The following SCARF1 variants were observed in gnomAD, a reference collection of about 807,000 sequenced individuals.
SCARF1 encodes scavenger receptor class F member 1.
Under a neutral mutation model 76.3 loss-of-function variants are expected in SCARF1, and 49 were observed. The observed-to-expected ratio is 0.64, with a 90% confidence interval of 0.51 to 0.81. The LOEUF (loss-of-function observed/expected upper bound fraction) is 0.81, where lower values mean the gene tolerates loss of function less well. Among genes scored for constraint, SCARF1 ranks in the 40% least tolerant of loss-of-function variants. SCARF1 has a pLI of 0.00. For synonymous variants in SCARF1, 495 were observed against 474.6 expected, an observed-to-expected ratio of 1.04 and a Z score of -0.56; for missense variants, 1,098 against 1,143.9, an observed-to-expected ratio of 0.96 and a Z score of 0.58.
rs764472117 is a variant in SCARF1 at position 1,634,802 on chromosome 17, C to T, written c.2449G>A (p.Glu817Lys). 5 of 1,610,930 alleles carry T rather than the reference C, an allele frequency of 3.1e-6. No individual in the cohort carries two copies. The highest frequency in any genetic ancestry group is 4.2e-6 in the Non-Finnish European group (5 of 1,178,534). ...QAEEERQEEP[E>K]YENVVPISRP... ...GAGATGGGTACAACATTCTCATACT[C>T]AGGTTCCTCCTGCCTTTCCTCTTCA... The change falls in exon 11 of 11, where the codon GAG (glutamate) becomes AAG (lysine). Residue 817 changes from glutamate to lysine, a missense_variant. By Grantham distance (56) the Glu-to-Lys change is moderately conservative (BLOSUM62 1). Transcript: ENST00000263071.
Position 1,634,753 on chromosome 17 carries a change from G to A in SCARF1, c.*5C>T. 1 of 1,576,780 alleles carries A rather than the reference G, an allele frequency of 6.3e-7. No individual in the cohort carries two copies. Among genetic ancestry groups the A allele is most frequent in the Non-Finnish European group, 8.6e-7 (1 of 1,158,058 alleles). On this transcript the variant is annotated 3_prime_UTR_variant, in exon 11 of 11. Transcript: ENST00000263071. Reference sequence around the variant, plus strand: ...CACTCTCCCCACTCCCCAAATTCAAGGTCATCAGGGTTCTGGTGGCCTGGA... The same window carrying A: ...CACTCTCCCCACTCCCCAAATTCAAAGTCATCAGGGTTCTGGTGGCCTGGA...
At position 1,640,113 on chromosome 17, in the gene SCARF1, C is replaced by T. The variant is rs772435883; in HGVS notation, c.1011-73G>A. On this transcript the variant is annotated intron_variant, in intron 5 of 10. Transcript: ENST00000263071. The surrounding 1 kb of genome is among the most constrained non-coding windows in gnomAD (Gnocchi z 4.7). ...CCCCCACTGTGGGGCCCCACCCCTC[C>T]GCCCCACGCTCCTGGACTCAAGGAC... 28 of 1,546,016 alleles carry T rather than the reference C, an allele frequency of 1.8e-5. No homozygotes were observed. Among genetic ancestry groups the T allele is most frequent in the Non-Finnish European group, 2.4e-5 (27 of 1,138,818 alleles).
chr17:1,641,785 G>A (rs144603225), intron 4 of SCARF1, among the ~76,000 whole-genome samples: 7 of 152,220 alleles, frequency 4.6e-5, no homozygotes, highest in Admixed American at 1.3e-4. Flanking sequence ...GCAGTGGCGC[G>A]ATCTTGGCTC....
chr17:1,640,292 C>G lies in SCARF1; in HGVS notation c.1010+156G>C, dbSNP rs371348831. The G allele has an allele frequency of 1.2e-6, 1 of 819,504 alleles. No individual in the cohort carries two copies. The highest frequency in any genetic ancestry group is 1.8e-5 in the South Asian group (1 of 55,410). 50.8% of individuals were successfully genotyped at this position (819,504 alleles called of 1,614,324 possible). On this transcript the variant is annotated intron_variant, in intron 5 of 10. Coordinates refer to ENST00000263071, the MANE Select transcript of SCARF1 (RefSeq NM_003693.4). This position sits in a 1 kb window ranked among gnomAD's most constrained non-coding sequence, Gnocchi z 4.7. ...AGCTGGGATCCTGCCCAGGCCCCCC[C>G]AGAACCCACTGCTCTCCCCCAGTCT...
chr17:1,635,497 G>A lies in SCARF1; in HGVS notation c.1754C>T (p.Ala585Val). The A allele has an allele frequency of 6.2e-7, 1 of 1,613,972 alleles. No homozygotes were observed. Among genetic ancestry groups the A allele is most frequent in the Non-Finnish European group, 8.5e-7 (1 of 1,179,960 alleles). ...AIPRTSSLARAKRPSVSFAEG... is the reference protein window; with the variant it reads ...AIPRTSSLARVKRPSVSFAEG... ...CGCGAAGGAGACCGATGGCCGCTTG[G>A]CCCGAGCTAGGCTGGAGGTGCGCGG... The change falls in exon 11 of 11, where the codon GCC becomes GTC. Residue 585 changes from alanine to valine, a missense_variant. Physicochemically the swap from Ala to Val is moderately conservative, Grantham distance 64. Coordinates refer to ENST00000263071, the MANE Select transcript of SCARF1 (RefSeq NM_003693.4).
In SCARF1 at chr17:1,640,366, G is replaced by A; in HGVS notation, c.1010+82C>T. On this transcript the variant is annotated intron_variant, in intron 5 of 10. Coordinates refer to ENST00000263071, the MANE Select transcript of SCARF1 (RefSeq NM_003693.4). This position sits in a 1 kb window ranked among gnomAD's most constrained non-coding sequence, Gnocchi z 4.7. The stretch of plus-strand genomic sequence containing the variant: ...GCCGCATGAACCTGTGTGTCGGGGA[G>A]GGTGGTGCTCTCGGAGAGAGCCGCT... The A allele has an allele frequency of 7.9e-7, 1 of 1,267,086 alleles. No homozygotes were observed. Among genetic ancestry groups the A allele is most frequent in the Non-Finnish European group, 1.1e-6 (1 of 905,316 alleles). The allele number at this position is 1,267,086 out of a possible 1,614,324, so 78.5% of individuals were successfully genotyped here.
intron 8 of SCARF1, among the ~76,000 whole-genome samples, chr17:1,637,946 G>C (rs527770895): frequency 1.3e-5 from 2 of 152,280 alleles, no homozygotes; most frequent in Admixed American, 1.3e-4. Context: ...CCCTGGGCCA[G>C]GGGCAACTGT....
intron 4 of SCARF1, among the ~76,000 whole-genome samples, chr17:1,642,041 G>T (rs986622960): frequency 6.6e-6 from 1 of 152,140 alleles, no homozygotes; most frequent in Non-Finnish European, 1.5e-5. Flanking sequence ...ATTTCTTACT[G>T]TGAGTGCAGC....
At position 1,644,809 on chromosome 17, in the gene SCARF1, A is replaced by G; in HGVS notation, c.265+25T>C. On this transcript the variant is annotated intron_variant, in intron 3 of 10. Transcript: ENST00000263071. This position sits in a 1 kb window ranked among gnomAD's most constrained non-coding sequence, Gnocchi z 4.8. ...CCCCCGTACCCAGCTCTGCCCAGCAACTTCATCTGGCCCTTGAGACTCACG... is the reference window on the plus strand; with the variant it reads ...CCCCCGTACCCAGCTCTGCCCAGCAGCTTCATCTGGCCCTTGAGACTCACG... 1 of 1,603,326 alleles carries G rather than the reference A, an allele frequency of 6.2e-7. No homozygotes were observed. The highest frequency in any genetic ancestry group is 8.5e-7 in the Non-Finnish European group (1 of 1,175,310).
At position 1,641,516 on chromosome 17, in the gene SCARF1, G is replaced by C. The variant is rs568407646; in HGVS notation, c.792-850C>G. Among the ~76,000 whole-genome samples the C allele has an allele frequency of 2.6e-5, 4 of 152,260 alleles. No homozygotes were observed. In the East Asian group the frequency reaches 7.7e-4, roughly 29 times the overall value. On this transcript the variant is annotated intron_variant, in intron 4 of 10. Coordinates refer to ENST00000263071, the MANE Select transcript of SCARF1 (RefSeq NM_003693.4). ...ACCAGTCCCTGGTGCCAAAAGGTTG[G>C]AGACCACTGTTGTCACCAATATAAT...
At position 1,634,418 on chromosome 17, in the gene SCARF1, A is replaced by G. The variant is rs1351491679; in HGVS notation, c.*340T>C. On this transcript the variant is annotated 3_prime_UTR_variant, in exon 11 of 11. Transcript: ENST00000263071. ...AAAAAAAAAAAAATTTGTTTAGCCA[A>G]TCTTTTATCAGCAAACATGTAGGTT... The G allele has an allele frequency of 3.0e-5, 12 of 397,022 alleles. No homozygotes were observed. In the Admixed American group the frequency reaches 4.4e-4, roughly 15 times the overall value. 24.6% of individuals were successfully genotyped at this position (397,022 alleles called of 1,614,324 possible).
chr17:1,645,257 G>T lies in SCARF1; in HGVS notation c.102-18C>A. 1 of 1,612,334 alleles carries T rather than the reference G, an allele frequency of 6.2e-7. No homozygotes were observed. The highest frequency in any genetic ancestry group is 8.5e-7 in the Non-Finnish European group (1 of 1,179,880). ...CAGAGGGGCTGTGGGGCAAAAAGGG[G>T]TCAGCCGGACATGGTGGGGGGTGCA... On this transcript the variant is annotated intron_variant, in intron 1 of 10. Transcript: ENST00000263071. This position sits in a 1 kb window ranked among gnomAD's most constrained non-coding sequence, Gnocchi z 6.3.
rs148199756 is a variant in SCARF1 at position 1,637,041 on chromosome 17, G to A, written c.1386C>T (p.Thr462=). The A allele has an allele frequency of 3.6e-5, 58 of 1,613,844 alleles. No individual in the cohort carries two copies. The highest frequency in any genetic ancestry group is 4.2e-5 in the Non-Finnish European group (50 of 1,180,020). Residue 462 remains threonine (T), a synonymous_variant, in exon 9 of 11, where the codon ACC becomes ACT. Coordinates refer to ENST00000263071, the MANE Select transcript of SCARF1 (RefSeq NM_003693.4). ...LKDRPARDGA[T]VSRMKLQVWG... is the part of the protein sequence containing the mutation. The stretch of plus-strand genomic sequence containing the variant: ...AGACCTGCAGCTTCATCCTGGACAC[G>A]GTAGCTCCATCTCTCGCTGGCCTGA...
rs1909929987 is a variant in SCARF1 at position 1,640,287 on chromosome 17, C to T, written c.1010+161G>A. ...GAGGGAGCTGGGATCCTGCCCAGGC[C>T]CCCCCAGAACCCACTGCTCTCCCCC... On this transcript the variant is annotated intron_variant, in intron 5 of 10. Coordinates refer to ENST00000263071, the MANE Select transcript of SCARF1 (RefSeq NM_003693.4). This position sits in a 1 kb window ranked among gnomAD's most constrained non-coding sequence, Gnocchi z 4.7. The T allele has an allele frequency of 5.1e-6, 4 of 791,320 alleles. No homozygotes were observed. The highest frequency in any genetic ancestry group is 7.9e-6 in the Non-Finnish European group (4 of 505,896). The allele number at this position is 791,320 out of a possible 1,614,324, so 49.0% of individuals were successfully genotyped here. A position where few individuals can be genotyped will look rare whatever the true frequency, so the allele number is the denominator to read the frequency against.
rs1019684853 is a variant in SCARF1 at position 1,634,514 on chromosome 17, G to C, written c.*244C>G. 2.3e-6 allele frequency: 1 copy of C among 444,424 alleles called. No homozygotes were observed. The highest frequency in any genetic ancestry group is 3.9e-6 in the Non-Finnish European group (1 of 254,476). The allele number at this position is 444,424 out of a possible 1,614,324, so 27.5% of individuals were successfully genotyped here. A position where few individuals can be genotyped will look rare whatever the true frequency, so the allele number is the denominator to read the frequency against. ...CCCTTATGAGGCACACAGGGTCCAG[G>C]ACAGCAGAGCAAAAGTCCCTGCAGG... On this transcript the variant is annotated 3_prime_UTR_variant, in exon 11 of 11. Coordinates refer to ENST00000263071, the MANE Select transcript of SCARF1 (RefSeq NM_003693.4).
At position 1,640,956 on chromosome 17, in the gene SCARF1, C is replaced by G. The variant is rs1910001728; in HGVS notation, c.792-290G>C. Among the ~76,000 whole-genome samples the G allele has an allele frequency of 6.6e-6, 1 of 152,172 alleles. No homozygotes were observed. The highest frequency in any genetic ancestry group is 2.4e-5 in the African/African-American group (1 of 41,438). On this transcript the variant is annotated intron_variant, in intron 4 of 10. Transcript: ENST00000263071. This position sits in a 1 kb window ranked among gnomAD's most constrained non-coding sequence, Gnocchi z 4.7. ...CCAGCCAGGGCAGGCGAGTCACCAC[C>G]AAGCTCTGAGTCCCATTTGCGAGGT...
Position 1,638,897 on chromosome 17 carries a change from C to A in SCARF1, c.1273G>T (p.Ala425Ser), listed in dbSNP as rs746392054. 8 of 1,607,226 alleles carry A rather than the reference C, an allele frequency of 5.0e-6. No individual in the cohort carries two copies. The highest frequency in any genetic ancestry group is 2.2e-5 in the South Asian group (2 of 90,062). ...GSGSRDTALIAGSLVPLLLLF... is the reference protein window; with the variant it reads ...GSGSRDTALISGSLVPLLLLF... ...AGCAGCAGAGGCACAAGGCTGCCCG[C>A]GATGAGGGCAGTGTCCCGACTGCCA... Residue 425 changes from alanine to serine, a missense_variant, in exon 8 of 11, where the codon GCG becomes TCG. Physicochemically the swap from Ala to Ser is moderately conservative, Grantham distance 99. Coordinates refer to ENST00000263071, the MANE Select transcript of SCARF1 (RefSeq NM_003693.4).
chr17:1,641,888 A>AT (rs1185368353), intron 4 of SCARF1, among the ~76,000 whole-genome samples: 2 of 151,978 alleles, frequency 1.3e-5, no homozygotes. Context: ...TGCCCGGCTA[A>AT]TTTTTGTATT....
chr17:1,645,475 C>T lies in SCARF1; in HGVS notation c.101+122G>A. On this transcript the variant is annotated intron_variant, in intron 1 of 10. Coordinates refer to ENST00000263071, the MANE Select transcript of SCARF1 (RefSeq NM_003693.4). The surrounding 1 kb of genome is among the most constrained non-coding windows in gnomAD (Gnocchi z 6.3). ...GCCATCAGCAGTCCCTTCCTTTCAG[C>T]CTAAGCCCCCTTCCTAGTCTCCTCC... 1 of 1,528,322 alleles carries T rather than the reference C, an allele frequency of 6.5e-7. No homozygotes were observed. The highest frequency in any genetic ancestry group is 1.4e-5 in the African/African-American group (1 of 72,494). The allele number at this position is 1,528,322 out of a possible 1,614,324, so 94.7% of individuals were successfully genotyped here.
Sources: allele counts gnomAD v4.1 joint callset (sites outside exome capture counted in the v4.1 genomes callset), GRCh38; gene constraint gnomAD v4.1.1; non-coding constraint Gnocchi (gnomAD v3.1); transcripts MANE v1.5; gene names NCBI Gene and HGNC (gene_info 2026-07-23, HGNC 2026-07-21).